MGME1: variants seen among roughly 807,000 people sequenced by gnomAD.
The protein encoded by MGME1 is chromosome 20 open reading frame 72.
MGME1 carries 22 observed loss-of-function variants against 33.0 expected under a neutral mutation model. That is an observed-to-expected ratio of 0.67 (90% CI 0.48 to 0.95). MGME1 has a LOEUF of 0.95. MGME1 is among the 40% of genes least tolerant of loss of function. The probability of loss-of-function intolerance (pLI) is 0.00; values close to 1 mark genes in which losing one functional copy is unlikely to be tolerated. For synonymous variants in MGME1, 133 were observed against 144.0 expected, an observed-to-expected ratio of 0.92 and a Z score of 0.55; for missense variants, 383 against 397.8, an observed-to-expected ratio of 0.96 and a Z score of 0.32.
At chr20:17,980,786 G>A (rs933260365) in intron 3 of MGME1, among the ~76,000 whole-genome samples, 2 of 150,102 alleles carry the variant, frequency 1.3e-5, no homozygotes, top group Non-Finnish European at 3.0e-5. Context: ...TCTAGCATGG[G>A]TGACAGAGTG....
At chr20:17,985,388 A>C (rs1214063367) in intron 3 of MGME1, among the ~76,000 whole-genome samples, 1 of 152,246 alleles carries the variant, frequency 6.6e-6, no homozygotes, top group African/African-American at 2.4e-5. Context: ...GTGCCATTGC[A>C]CTCCAGCCTG....
rs1346284069 is a variant in MGME1, at chr20:17,975,886, C to T, written c.714C>T (p.Asp238=). The T allele has an allele frequency of 6.2e-7, 1 of 1,613,522 alleles. No individual in the cohort carries two copies. Among genetic ancestry groups the T allele is most frequent in the Non-Finnish European group, 8.5e-7 (1 of 1,179,582 alleles). The change falls in exon 3 of 5, where the codon GAC becomes GAT. Residue 238 remains aspartate (D), a synonymous_variant. Transcript: ENST00000377710. ...CCTTAAACTATATAGGTCTGCTGGA[C>T]TGTGTGGCTGAGTATCAGTAAGTAT... ...HETLNYIGLL[D]CVAEYQGKLC... is the part of the protein sequence containing the mutation.
chr20:17,976,009 T>C lies in MGME1; in HGVS notation c.731+106T>C, dbSNP rs1600385943. 5 of 894,654 alleles carry C rather than the reference T, an allele frequency of 5.6e-6. No individual in the cohort carries two copies. The East Asian group carries it at 1.3e-4, about 23-fold the overall frequency. 55.4% of individuals were successfully genotyped at this position (894,654 alleles called of 1,614,324 possible). A position where few individuals can be genotyped will look rare whatever the true frequency, so the allele number is the denominator to read the frequency against. ...CTCTGTCTGTTTAATGTCCAGACCT[T>C]TGTGCTAGGTAAAAGAATTGGGTGG... On this transcript the variant is annotated intron_variant, in intron 3 of 4. Coordinates refer to ENST00000377710, the MANE Select transcript of MGME1 (RefSeq NM_052865.4).
In MGME1 at chr20:17,978,222, G is replaced by C. The variant is rs558042177; in HGVS notation, c.731+2319G>C. Among the ~76,000 whole-genome samples, 21 of 152,122 alleles carry C rather than the reference G, an allele frequency of 1.4e-4. No homozygotes were observed. The South Asian group carries it at 4.4e-3, about 32-fold the overall frequency. Reference sequence around the variant, plus strand: ...TTTTATTTTTTATTTATTTATTTTTGAGACGGAGTTTCACTCTTGTTGCCC... The same window carrying C: ...TTTTATTTTTTATTTATTTATTTTTCAGACGGAGTTTCACTCTTGTTGCCC... On this transcript the variant is annotated intron_variant, in intron 3 of 4. Coordinates refer to ENST00000377710, the MANE Select transcript of MGME1 (RefSeq NM_052865.4).
At chr20:17,972,436 A>ATTT (rs143594137) in intron 2 of MGME1, among the ~76,000 whole-genome samples, 2 of 125,714 alleles carry the variant, frequency 1.6e-5, no homozygotes, top group East Asian at 2.3e-4. Context: ...TTAGGTTTTA[A>ATTT]TTTTTTTTTT....
intron 4 of MGME1, among the ~76,000 whole-genome samples, chr20:17,988,653 A>AG (rs1822060887): frequency 1.2e-5 from 1 of 82,000 alleles, no homozygotes; most frequent in Non-Finnish European, 2.7e-5. Flanking sequence ...AATCTGTCTC[A>AG]AAAAAAAAAA....
At chr20:17,988,961 G>A (rs150389139) in intron 4 of MGME1, among the ~76,000 whole-genome samples, 149 of 152,080 alleles carry the variant, frequency 9.8e-4, no homozygotes, top group African/African-American at 3.4e-3. Flanking sequence ...ACATGGTGGC[G>A]CACACTTGTG....
chr20:17,979,434 TG>T (rs1170518992), intron 3 of MGME1, among the ~76,000 whole-genome samples: 1 of 150,436 alleles, frequency 6.6e-6, no homozygotes, highest in Non-Finnish European at 1.5e-5. Flanking sequence ...TTTTTTGAGA[TG>T]GAGTCTTGCT....
At chr20:17,975,656 CT>C in intron 2 of MGME1, 27 bp from the exon 3 acceptor site, 6 of 1,549,562 alleles carry the variant, frequency 3.9e-6, no homozygotes, top group Non-Finnish European at 5.3e-6. Flanking sequence ...TGTTTCCCCC[CT>C]CCCCTTTTCC....
chr20:17,990,544 G>T lies in MGME1; in HGVS notation c.*435G>T, dbSNP rs1274260309. 2 of 217,456 alleles carry T rather than the reference G, an allele frequency of 9.2e-6. No individual in the cohort carries two copies. Among genetic ancestry groups the T allele is most frequent in the Admixed American group, 5.5e-5 (1 of 18,224 alleles). The allele number at this position is 217,456 out of a possible 1,614,324, so 13.5% of individuals were successfully genotyped here. A position where few individuals can be genotyped will look rare whatever the true frequency, so the allele number is the denominator to read the frequency against. ...AGGGGCTACATGCCCCCAGCTGTGT[G>T]CAGGGAGGACACATCAGCCCACTAC... On this transcript the variant is annotated 3_prime_UTR_variant, in exon 5 of 5. Coordinates refer to ENST00000377710, the MANE Select transcript of MGME1 (RefSeq NM_052865.4).
chr20:17,984,641 G>A (rs1211880152), intron 3 of MGME1, among the ~76,000 whole-genome samples: 2 of 152,116 alleles, frequency 1.3e-5, no homozygotes, highest in African/African-American at 4.8e-5. Flanking sequence ...CTGACCCTGT[G>A]TAGGCCTAGG....
At position 17,981,675 on chromosome 20, in the gene MGME1, G is replaced by GTC. The variant is rs964655654; in HGVS notation, c.731+5773_731+5774insCT. Among the ~76,000 whole-genome samples, 39 of 150,694 alleles carry GTC rather than the reference G, an allele frequency of 2.6e-4. 1 individual carries two copies. The East Asian group carries it at 6.0e-3, about 23-fold the overall frequency. On this transcript the variant is annotated intron_variant, in intron 3 of 4. Coordinates refer to ENST00000377710, the MANE Select transcript of MGME1 (RefSeq NM_052865.4). Reference sequence around the variant, plus strand: ...TGTGTGTGTGTGTGTGTGTGTGTGTGTGTGTGTGTGTCAGAGTCTCGCTCT... The same window carrying GTC: ...TGTGTGTGTGTGTGTGTGTGTGTGTGTCTGTGTGTGTGTCAGAGTCTCGCTCT...
At chr20:17,975,428 G>A (rs1270463732) in intron 2 of MGME1, among the ~76,000 whole-genome samples, 1 of 151,776 alleles carries the variant, frequency 6.6e-6, no homozygotes, top group African/African-American at 2.4e-5. Flanking sequence ...ACGGTGGCGG[G>A]CGCCTGTAAT....
intron 3 of MGME1, among the ~76,000 whole-genome samples, chr20:17,980,946 AT>A (rs1337609754): frequency 6.6e-6 from 1 of 151,828 alleles, no homozygotes; most frequent in Admixed American, 6.6e-5. Flanking sequence ...TATCCCTGTG[AT>A]TACATGGAGA....
chr20:17,987,073 A>G (rs1333124386), intron 3 of MGME1, among the ~76,000 whole-genome samples: 2 of 151,582 alleles, frequency 1.3e-5, no homozygotes, highest in African/African-American at 4.8e-5. Context: ...CCAGCTACTC[A>G]GGGGGCTGAG....
intron 3 of MGME1, among the ~76,000 whole-genome samples, chr20:17,981,816 A>AT (rs1047914456): frequency 4.0e-5 from 6 of 150,658 alleles, no homozygotes; most frequent in Admixed American, 6.6e-5. Flanking sequence ...TGCCTGGCTA[A>AT]TTTTTTTTGT....
intron 3 of MGME1, among the ~76,000 whole-genome samples, chr20:17,987,304 C>T (rs6045124): frequency 1.3e-5 from 2 of 152,138 alleles, no homozygotes; most frequent in Non-Finnish European, 2.9e-5. Flanking sequence ...ATCTCTAAAC[C>T]TAAACTGTCC....
chr20:17,975,501 G>C (rs1041779982), intron 2 of MGME1, among the ~76,000 whole-genome samples, 183 bp from the exon 3 acceptor site: 1 of 149,982 alleles, frequency 6.7e-6, no homozygotes, highest in Non-Finnish European at 1.5e-5. Context: ...AGGTTGCAGT[G>C]AGCCAATATC....
intron 2 of MGME1, among the ~76,000 whole-genome samples, chr20:17,971,313 A>G (rs1235332955): frequency 2.0e-5 from 3 of 152,222 alleles, no homozygotes; most frequent in East Asian, 1.9e-4. Flanking sequence ...TCCTTATAAT[A>G]TTCCTCAGCT....
Sources: allele counts gnomAD v4.1 joint callset (sites outside exome capture counted in the v4.1 genomes callset), GRCh38; gene constraint gnomAD v4.1.1; transcripts MANE v1.5; gene names NCBI Gene and HGNC (gene_info 2026-07-23, HGNC 2026-07-21).